Variants in NEK5 observed in about 807,000 individuals in gnomAD.
The protein encoded by NEK5 is NIMA related kinase 5, also known as serine/threonine-protein kinase Nek5.
A neutral mutation model predicts 109.2 loss-of-function variants in NEK5; 88 were observed. The observed-to-expected ratio is 0.81, with a 90% CI of 0.68 to 0.96. NEK5 has a LOEUF of 0.96. NEK5 is among the 40% of genes least tolerant of loss of function. NEK5 has a pLI of 0.00. For missense variants in NEK5, 834 were observed against 920.7 expected, an observed-to-expected ratio of 0.91 and a Z score of 1.22; for synonymous variants, 283 against 299.9, an observed-to-expected ratio of 0.94 and a Z score of 0.58.
At chr13:52,114,117 G>C (rs1455161321) in intron 4 of NEK5, among the ~76,000 whole-genome samples, 1 of 152,156 alleles carries the variant, frequency 6.6e-6, no homozygotes, top group East Asian at 1.9e-4. Flanking sequence ...CTGGGATCTT[G>C]TTAGAAAAGA....
At chr13:52,049,583 A>G (rs1954486635) in intron 23 of NEK5, among the ~76,000 whole-genome samples, 1 of 152,084 alleles carries the variant, frequency 6.6e-6, no homozygotes, top group Non-Finnish European at 1.5e-5. Context: ...AGGGGTGTCC[A>G]ATCTTTTGGC....
chr13:52,124,732 C>T (rs988351203), intron 3 of NEK5, among the ~76,000 whole-genome samples: 3 of 152,160 alleles, frequency 2.0e-5, no homozygotes, highest in Admixed American at 6.5e-5. Flanking sequence ...GGCACCTTCT[C>T]GATTTCTTTG....
chr13:52,113,403 G>A (rs1262227566), intron 4 of NEK5, among the ~76,000 whole-genome samples: 1 of 151,736 alleles, frequency 6.6e-6, no homozygotes, highest in Non-Finnish European at 1.5e-5. Context: ...AATAGAAAAT[G>A]AAAGATGTGA....
intron 20 of NEK5, among the ~76,000 whole-genome samples, chr13:52,068,936 A>G (rs113051870): frequency 3.1e-5 from 3 of 95,714 alleles, no homozygotes; most frequent in African/African-American, 8.0e-5. Context: ...GTGCCACTGC[A>G]CTCCAGCCTG....
At chr13:52,051,638 T>C (rs1413878210) in intron 22 of NEK5, among the ~76,000 whole-genome samples, 1 of 152,174 alleles carries the variant, frequency 6.6e-6, no homozygotes, top group Non-Finnish European at 1.5e-5. Flanking sequence ...GTTTTGGAAG[T>C]GGCTGACAGC....
At chr13:52,070,819 G>A (rs1231749778) in intron 20 of NEK5, among the ~76,000 whole-genome samples, 1 of 152,210 alleles carries the variant, frequency 6.6e-6, no homozygotes, top group Non-Finnish European at 1.5e-5. Context: ...AAGGAAAAGG[G>A]AAAATGAAAA....
chr13:52,097,824 A>G (rs752806015), intron 12 of NEK5, among the ~76,000 whole-genome samples: 8 of 152,098 alleles, frequency 5.3e-5, no homozygotes, highest in African/African-American at 9.7e-5. Flanking sequence ...GTGGAATGAT[A>G]TGGTTTGGAT....
At chr13:52,094,941 A>G (rs926209463) in intron 12 of NEK5, among the ~76,000 whole-genome samples, 4 of 152,190 alleles carry the variant, frequency 2.6e-5, no homozygotes, top group Non-Finnish European at 5.9e-5. Flanking sequence ...ATTCTGAGAC[A>G]GGATCTCACT....
intron 20 of NEK5, among the ~76,000 whole-genome samples, chr13:52,068,996 G>GA (rs60079103): frequency 5.4e-5 from 8 of 147,212 alleles, no homozygotes; most frequent in Non-Finnish European, 1.1e-4. Context: ...AAAGAAAAAA[G>GA]AAAAAAAAAG....
chr13:52,077,802 C>G (rs1374463294), intron 17 of NEK5, among the ~76,000 whole-genome samples: 1 of 152,164 alleles, frequency 6.6e-6, no homozygotes, highest in African/African-American at 2.4e-5. Context: ...TAGCCAGGCA[C>G]AGTGGCTCAC....
rs752393176 is a variant in NEK5 at position 52,127,673 on chromosome 13, A to G, written c.-90-11T>C. On this transcript the variant is annotated splice_polypyrimidine_tract_variant and intron_variant, in intron 1 of 23. Transcript: ENST00000684899. Reference sequence around the variant, plus strand: ...TGTGGCCACAGATAACTGAAATGAGACAGAGTTTCTTGGTCAGACACGGGT... The same window carrying G: ...TGTGGCCACAGATAACTGAAATGAGGCAGAGTTTCTTGGTCAGACACGGGT... 173 of 531,856 alleles carry G rather than the reference A, an allele frequency of 3.3e-4. No homozygotes were observed. The highest frequency in any genetic ancestry group is 5.0e-4 in the Admixed American group (14 of 28,210). 32.9% of individuals were successfully genotyped at this position (531,856 alleles called of 1,614,324 possible).
At chr13:52,103,294 G>T (rs949011012) in intron 9 of NEK5, among the ~76,000 whole-genome samples, 2 of 152,188 alleles carry the variant, frequency 1.3e-5, no homozygotes, top group Admixed American at 1.3e-4. Context: ...AGCCGGGTGT[G>T]GTGGTGGGTG....
chr13:52,083,254 C>T lies in NEK5; in HGVS notation c.1572+6G>A. ...AGCACACACATCTGATCATAGCCATCATTACCTGCACAGGTGCTTCTCCCT... is the reference window on the plus strand; with the variant it reads ...AGCACACACATCTGATCATAGCCATTATTACCTGCACAGGTGCTTCTCCCT... On this transcript the variant is annotated splice_donor_region_variant and intron_variant, in intron 17 of 23. Transcript: ENST00000684899. 3.1e-6 allele frequency: 5 copies of T among 1,590,918 alleles called. No homozygotes were observed. Among genetic ancestry groups the T allele is most frequent in the Non-Finnish European group, 3.5e-6 (4 of 1,158,880 alleles).
rs142095407 is a variant in NEK5 at position 52,034,490 on chromosome 13, G to T, written c.*2458C>A. 1 of 148,342 alleles carries T rather than the reference G, an allele frequency of 6.7e-6. No individual in the cohort carries two copies. The highest frequency in any genetic ancestry group is 1.5e-5 in the Non-Finnish European group (1 of 67,582). The allele number at this position is 148,342 out of a possible 1,614,324, so 9.2% of individuals were successfully genotyped here. A position where few individuals can be genotyped will look rare whatever the true frequency, so the allele number is the denominator to read the frequency against. Reference sequence around the variant, plus strand: ...CATCTTTTATCATGGGAACAAACCCGATAACCTGACATGCTTTTTTTTTTT... The same window carrying T: ...CATCTTTTATCATGGGAACAAACCCTATAACCTGACATGCTTTTTTTTTTT... On this transcript the variant is annotated 3_prime_UTR_variant, in exon 24 of 24. Transcript: ENST00000684899.
intron 23 of NEK5, among the ~76,000 whole-genome samples, chr13:52,039,422 T>C (rs1015269148): frequency 1.3e-5 from 2 of 152,222 alleles, no homozygotes; most frequent in Non-Finnish European, 2.9e-5. Context: ...TCCTGAGATA[T>C]GTGCTTTACA....
At chr13:52,066,803 CAAA>C (rs60602057) in intron 20 of NEK5, among the ~76,000 whole-genome samples, 1 of 110,292 alleles carries the variant, frequency 9.1e-6, no homozygotes, top group Non-Finnish European at 1.9e-5. Context: ...GACGCTGTCT[CAAA>C]AAAAAAAAAA....
In NEK5 at chr13:52,093,099, T is replaced by C. The variant is rs1164118261; in HGVS notation, c.1163A>G (p.Glu388Gly). 6.2e-7 allele frequency: 1 copy of C among 1,613,672 alleles called. No individual in the cohort carries two copies. Among genetic ancestry groups the C allele is most frequent in the Non-Finnish European group, 8.5e-7 (1 of 1,179,734 alleles). ...HPIPQENTGVEDYGQETRHGP... is the reference protein window; with the variant it reads ...HPIPQENTGVGDYGQETRHGP... ...ATGCCTCGTTTCCTGACCGTAATCC[T>C]CAACTCCAGTATTTTCTTGAGGAAT... Residue 388 changes from glutamate to glycine, a missense_variant, in exon 13 of 24, where the codon GAG becomes GGG. Transcript: ENST00000684899.
intron 22 of NEK5, among the ~76,000 whole-genome samples, chr13:52,054,657 C>T (rs1954537210): frequency 6.6e-6 from 1 of 151,026 alleles, no homozygotes; most frequent in African/African-American, 2.4e-5. Flanking sequence ...CCCTGAGCAG[C>T]CTAACTGGGA....
intron 4 of NEK5, among the ~76,000 whole-genome samples, chr13:52,117,823 T>C (rs1322841472): frequency 6.6e-6 from 1 of 152,208 alleles, no homozygotes; most frequent in African/African-American, 2.4e-5. Flanking sequence ...GTAATTTGAA[T>C]TGTGAGTTCA....
Sources: gnomAD v4.1 joint callset for allele counts (sites outside exome capture counted in the v4.1 genomes callset) on GRCh38, gnomAD v4.1.1 for gene constraint, MANE v1.5 for transcripts, NCBI Gene and HGNC (gene_info 2026-07-23, HGNC 2026-07-21) for gene names.